The following VPS53 variants were observed in gnomAD, a reference collection of about 807,000 sequenced individuals.
VPS53 encodes vacuolar protein sorting-associated protein 53 homolog.
Under a neutral mutation model 107.0 loss-of-function variants are expected in VPS53, and 70 were observed. The ratio of observed to expected loss-of-function variants is 0.65; its 90% CI spans 0.54 to 0.80. The LOEUF is 0.80. VPS53 is among the 30% of genes least tolerant of loss of function. The pLI, the probability that VPS53 is intolerant of heterozygous loss-of-function variation, is 0.00. For missense variants in VPS53, 917 were observed against 1,049.4 expected (o/e 0.87, Z 1.74); for synonymous variants, 409 against 393.3 (o/e 1.04, Z -0.47).
intron 11 of VPS53, 85 bp from the exon 12 acceptor site, chr17:601,981 C>G: frequency 9.6e-7 from 1 of 1,038,018 alleles, no homozygotes. Flanking sequence ...TAGGTGTCTC[C>G]AACAAGGAAG....
intron 17 of VPS53, 46 bp downstream of exon 17, chr17:551,826 G>A: frequency 1.3e-6 from 2 of 1,510,144 alleles, no homozygotes; most frequent in South Asian, 2.5e-5. Flanking sequence ...AAGCCACCTT[G>A]GGCTGCTCTC....
At chr17:571,468 GCTCTCC>G (rs1164988405) in intron 13 of VPS53, among the ~76,000 whole-genome samples, 3 of 111,072 alleles carry the variant, frequency 2.7e-5, no homozygotes, top group Middle Eastern at 4.6e-3. Context: ...ACAACAATGG[GCTCTCC>G]CTCTCCCTCT....
intron 4 of VPS53, among the ~76,000 whole-genome samples, chr17:669,156 T>C (rs925096738): frequency 3.9e-5 from 6 of 152,192 alleles, no homozygotes; most frequent in African/African-American, 7.2e-5. Context: ...TATAGAAAGA[T>C]TGTTTTGCAA....
chr17:589,291 C>G (rs750924225), intron 12 of VPS53, among the ~76,000 whole-genome samples: 1 of 151,814 alleles, frequency 6.6e-6, no homozygotes. Flanking sequence ...TTCCCAACTA[C>G]TGACAATATT....
chr17:550,928 A>G (rs1911762128), intron 17 of VPS53, among the ~76,000 whole-genome samples: 1 of 152,210 alleles, frequency 6.6e-6, no homozygotes, highest in African/African-American at 2.4e-5. Flanking sequence ...AGAGCTCAGA[A>G]GGAGTTGGAA....
At chr17:609,759 G>C (rs1230893222) in intron 11 of VPS53, among the ~76,000 whole-genome samples, 1 of 152,164 alleles carries the variant, frequency 6.6e-6, no homozygotes, top group Non-Finnish European at 1.5e-5. Context: ...TCATCTCACT[G>C]CTTTGGGTAA....
chr17:599,719 C>T (rs1472526913), intron 12 of VPS53, among the ~76,000 whole-genome samples: 1 of 149,970 alleles, frequency 6.7e-6, no homozygotes, highest in Non-Finnish European at 1.5e-5. Flanking sequence ...CCAAATCCCC[C>T]TCTGTGAGAA....
intron 13 of VPS53, among the ~76,000 whole-genome samples, chr17:570,769 A>G (rs1221974730): frequency 6.6e-6 from 1 of 152,178 alleles, no homozygotes; most frequent in African/African-American, 2.4e-5. Context: ...GCAGATTGGG[A>G]CAACTGCTGA....
intron 14 of VPS53, among the ~76,000 whole-genome samples, chr17:561,068 C>T (rs765115577): frequency 1.3e-5 from 2 of 152,024 alleles, no homozygotes; most frequent in East Asian, 3.8e-4. Flanking sequence ...TAAGAAAAGT[C>T]TGCACTGGGA....
chr17:552,454 G>A (rs1335710132), intron 16 of VPS53: 4 of 152,944 alleles, frequency 2.6e-5, no homozygotes, highest in Admixed American at 2.0e-4. Context: ...TCATTTAATG[G>A]CAGTGGAACA....
intron 7 of VPS53, among the ~76,000 whole-genome samples, chr17:640,456 T>C (rs570890190): frequency 3.9e-5 from 6 of 152,192 alleles, no homozygotes; most frequent in African/African-American, 1.2e-4. Flanking sequence ...GGTAACTCAG[T>C]TGGAAATGCA....
intron 4 of VPS53, among the ~76,000 whole-genome samples, chr17:695,809 C>T (rs1051624427): frequency 9.2e-5 from 14 of 152,188 alleles, no homozygotes; most frequent in African/African-American, 3.4e-4. Context: ...GCCTCGGCCT[C>T]CCAAAGTGTT....
rs549185864 is a variant in VPS53 at position 516,141 on chromosome 17, A to T, written c.*2987T>A. ...AAAATGAAAGCTGTTATCAGTAGAG[A>T]ATCTTCACCACGTTGGCACCAGCTC... is the stretch of plus-strand genomic sequence containing the variant. On this transcript the variant is annotated 3_prime_UTR_variant, in exon 22 of 22. Transcript: ENST00000437048. The T allele has an allele frequency of 2.4e-4, 36 of 151,990 alleles. No individual in the cohort carries two copies. Among genetic ancestry groups the T allele is most frequent in the African/African-American group, 8.4e-4 (35 of 41,434 alleles). 9.4% of individuals were successfully genotyped at this position (151,990 alleles called of 1,614,324 possible). A position where few individuals can be genotyped will look rare whatever the true frequency, so the allele number is the denominator to read the frequency against.
intron 12 of VPS53, among the ~76,000 whole-genome samples, chr17:598,293 C>T (rs1450777882): frequency 6.6e-6 from 1 of 151,616 alleles, no homozygotes; most frequent in Non-Finnish European, 1.5e-5. Flanking sequence ...AGTGCAGGGG[C>T]GTGATCTCAG....
rs73281314 is a variant in VPS53, at chr17:628,590, T to A, written c.688-359A>T. On this transcript the variant is annotated intron_variant, in intron 8 of 21. Coordinates refer to ENST00000437048, the MANE Select transcript of VPS53 (RefSeq NM_001128159.3). ...GTCGCAAGATGCTGCTGAAGAGGCCTAAGAGTGGGAATGCCACCAGCCTCT... is the reference window on the plus strand; with the variant it reads ...GTCGCAAGATGCTGCTGAAGAGGCCAAAGAGTGGGAATGCCACCAGCCTCT... Among the ~76,000 whole-genome samples the A allele has an allele frequency of 9.9e-3, 1,512 of 152,292 alleles. 26 individuals carry two copies. The highest frequency in any genetic ancestry group is 0.034 in the African/African-American group (1,414 of 41,556).
chr17:608,447 AAGCGTGCTT>A, intron 11 of VPS53, among the ~76,000 whole-genome samples: 1 of 152,210 alleles, frequency 6.6e-6, no homozygotes, highest in Non-Finnish European at 1.5e-5. Context: ...ATATGTGTGC[AAGCGTGCTT>A]GCAGAAGCGT....
intron 19 of VPS53, among the ~76,000 whole-genome samples, chr17:522,184 G>A (rs1171855236): frequency 6.6e-6 from 1 of 152,200 alleles, no homozygotes; most frequent in Non-Finnish European, 1.5e-5. Context: ...AAGCCTGGGA[G>A]GTTGAGGCTG....
intron 2 of VPS53, among the ~76,000 whole-genome samples, chr17:701,331 A>C (rs1055129802): frequency 2.6e-5 from 4 of 151,200 alleles, no homozygotes; most frequent in African/African-American, 9.7e-5. Context: ...AAAAAAAAAG[A>C]AAAACGAATC....
rs1420754585 is a variant in VPS53 at position 661,993 on chromosome 17, G to A, written c.286-98C>T. 3 of 1,080,206 alleles carry A rather than the reference G, an allele frequency of 2.8e-6. No homozygotes were observed. In the African/African-American group the frequency reaches 4.8e-5, roughly 17 times the overall value. The allele number at this position is 1,080,206 out of a possible 1,614,324, so 66.9% of individuals were successfully genotyped here. On this transcript the variant is annotated intron_variant, in intron 4 of 21. Transcript: ENST00000437048. ...TAGGCACAAAAGAAATTTCCATGAA[G>A]CTCTCCTGATTCATTGTACTTATGC...
Sources: gnomAD v4.1 joint callset for allele counts (sites outside exome capture counted in the v4.1 genomes callset) on GRCh38, gnomAD v4.1.1 for gene constraint, MANE v1.5 for transcripts, NCBI Gene and HGNC (gene_info 2026-07-23, HGNC 2026-07-21) for gene names.